The following COMMD10 variants were observed in gnomAD, a reference collection of about 807,000 sequenced individuals.
The protein encoded by COMMD10 is COMM domain containing 10.
Under a neutral mutation model 28.9 loss-of-function variants are expected in COMMD10, and 33 were observed. The ratio of observed to expected loss-of-function variants is 1.14; its 90% confidence interval spans 0.87 to 1.53. The LOEUF (loss-of-function observed/expected upper bound fraction) is 1.53. Among genes scored for constraint, COMMD10 ranks in the 40% most tolerant of loss-of-function variants. The pLI, the probability that COMMD10 is intolerant of heterozygous loss-of-function variation, is 0.00. For missense variants in COMMD10, 310 were observed against 233.4 expected (o/e 1.33, Z -2.14); for synonymous variants, 110 against 81.7 (o/e 1.35, Z -1.87).
Position 116,292,956 on chromosome 5 carries a change from TATG to T in COMMD10, c.*472_*474del. 1 of 397,012 alleles carries T rather than the reference TATG, an allele frequency of 2.5e-6. No individual in the cohort carries two copies. The highest frequency in any genetic ancestry group is 4.4e-6 in the Non-Finnish European group (1 of 225,000). 24.6% of individuals were successfully genotyped at this position (397,012 alleles called of 1,614,324 possible). The stretch of plus-strand genomic sequence containing the variant: ...ATACACTATGGCATTTTTATTTGAA[TATG>T]ATGAGTATATTTTGCTTCGGAAATA... On this transcript the variant is annotated 3_prime_UTR_variant, in exon 7 of 7. Transcript: ENST00000274458.
At chr5:116,184,945 G>C (rs1014908237) in intron 5 of COMMD10, among the ~76,000 whole-genome samples, 2 of 151,978 alleles carry the variant, frequency 1.3e-5, no homozygotes, top group Admixed American at 1.3e-4. Context: ...TGACTCCTCT[G>C]GGCCTTAACT....
chr5:116,096,269 T>C (rs1750463490), intron 4 of COMMD10, among the ~76,000 whole-genome samples: 1 of 151,970 alleles, frequency 6.6e-6, no homozygotes, highest in Admixed American at 6.5e-5. Context: ...TATCAGTGTC[T>C]TTTGTTTTCA....
chr5:116,212,146 C>T (rs1295708677), intron 5 of COMMD10, among the ~76,000 whole-genome samples: 1 of 152,068 alleles, frequency 6.6e-6, no homozygotes, highest in Non-Finnish European at 1.5e-5. Flanking sequence ...TCTGTTCCTC[C>T]TTTCAAAAGT....
At chr5:116,201,877 T>C (rs577822661) in intron 5 of COMMD10, among the ~76,000 whole-genome samples, 8 of 152,098 alleles carry the variant, frequency 5.3e-5, no homozygotes, top group Non-Finnish European at 1.2e-4. Flanking sequence ...AAATTATCTT[T>C]CTTTTTATTT....
chr5:116,207,008 G>C (rs1487398472), intron 5 of COMMD10, among the ~76,000 whole-genome samples: 1 of 152,036 alleles, frequency 6.6e-6, no homozygotes, highest in Non-Finnish European at 1.5e-5. Flanking sequence ...TATTTTAATA[G>C]GCTTTTTTAT....
chr5:116,094,931 C>T (rs939343854), intron 4 of COMMD10, among the ~76,000 whole-genome samples: 2 of 152,120 alleles, frequency 1.3e-5, no homozygotes, highest in African/African-American at 4.8e-5. Context: ...ACAAATATAA[C>T]AGGCACTCAC....
intron 4 of COMMD10, among the ~76,000 whole-genome samples, chr5:116,096,385 TC>T (rs1346635787): frequency 6.6e-6 from 1 of 151,934 alleles, no homozygotes; most frequent in African/African-American, 2.4e-5. Context: ...AATTTTGTTT[TC>T]CAATGGCTTA....
intron 5 of COMMD10, among the ~76,000 whole-genome samples, chr5:116,275,496 A>G (rs1198294442): frequency 1.3e-5 from 2 of 151,686 alleles, no homozygotes; most frequent in South Asian, 2.1e-4. Flanking sequence ...GTCATTTTGT[A>G]ACCTCAGTTT....
intron 4 of COMMD10, among the ~76,000 whole-genome samples, chr5:116,108,749 A>G (rs1173110482): frequency 6.6e-6 from 1 of 151,692 alleles, no homozygotes; most frequent in African/African-American, 2.4e-5. Flanking sequence ...ACAAACAAAC[A>G]AACTCCTGCA....
At chr5:116,259,999 GCTT>G (rs1239698306) in intron 5 of COMMD10, among the ~76,000 whole-genome samples, 2 of 151,644 alleles carry the variant, frequency 1.3e-5, no homozygotes, top group Non-Finnish European at 2.9e-5. Context: ...TGTTTACAGA[GCTT>G]CTTCAAAATT....
chr5:116,112,622 T>C lies in COMMD10; in HGVS notation c.399+19922T>C, dbSNP rs113412566. ...ATGTTGACAGAATGTTCTCTATCTC[T>C]TCACCTCATTATCCGCCTGTGTTGG... On this transcript the variant is annotated intron_variant, in intron 4 of 6. Transcript: ENST00000274458. 7.9e-3 allele frequency among the ~76,000 whole-genome samples: 1,207 copies of C among 152,230 alleles called. 16 individuals carry two copies. The highest frequency in any genetic ancestry group is 0.027 in the African/African-American group (1,115 of 41,532).
At chr5:116,248,563 G>T (rs550668406) in intron 5 of COMMD10, among the ~76,000 whole-genome samples, 3 of 151,872 alleles carry the variant, frequency 2.0e-5, no homozygotes, top group African/African-American at 4.8e-5. Flanking sequence ...GTTGTAATTT[G>T]GTTTTGTTTT....
intron 5 of COMMD10, among the ~76,000 whole-genome samples, chr5:116,256,649 G>T (rs1054964317): frequency 1.3e-5 from 2 of 151,724 alleles, no homozygotes; most frequent in Admixed American, 6.6e-5. Flanking sequence ...TTCATATTTT[G>T]TAATGTTTTC....
chr5:116,094,146 CA>C (rs35381611), intron 4 of COMMD10, among the ~76,000 whole-genome samples: 1 of 151,974 alleles, frequency 6.6e-6, no homozygotes, highest in Non-Finnish European at 1.5e-5. Flanking sequence ...AAAACATGGA[CA>C]AAAAACCCCA....
chr5:116,197,450 T>C (rs149484481), intron 5 of COMMD10, among the ~76,000 whole-genome samples: 3,228 of 152,210 alleles, frequency 0.021, 116 homozygotes, highest in African/African-American at 0.072. Context: ...GGTGTGATCT[T>C]GGCTCACTGC....
At chr5:116,192,793 C>A (rs1748404103) in intron 5 of COMMD10, among the ~76,000 whole-genome samples, 1 of 152,106 alleles carries the variant, frequency 6.6e-6, no homozygotes, top group Admixed American at 6.6e-5. Context: ...ACCTAGACAT[C>A]CAAATACAAG....
chr5:116,240,719 C>A (rs1264316516), intron 5 of COMMD10, among the ~76,000 whole-genome samples: 1 of 152,120 alleles, frequency 6.6e-6, no homozygotes, highest in Non-Finnish European at 1.5e-5. Flanking sequence ...CATGAAACTC[C>A]AGTAAATCTG....
rs540588520 is a variant in COMMD10, at chr5:116,154,473, A to C, written c.510+20295A>C. ...TTGTGTTAGTTGACAAAGGGCAAAC[A>C]TGACCTGTTTTCTGAGAGTGCTGTT... On this transcript the variant is annotated intron_variant, in intron 5 of 6. Transcript: ENST00000274458. 4.6e-5 allele frequency among the ~76,000 whole-genome samples: 7 copies of C among 152,274 alleles called. No homozygotes were observed. The East Asian group carries it at 1.2e-3, about 25-fold the overall frequency.
Position 116,255,208 on chromosome 5 carries a change from G to C in COMMD10, c.511-36309G>C, listed in dbSNP as rs562921697. Among the ~76,000 whole-genome samples, 129 of 151,708 alleles carry C rather than the reference G, an allele frequency of 8.5e-4. 2 individuals are homozygous for C. The highest frequency in any genetic ancestry group is 3.0e-3 in the African/African-American group (123 of 41,140). ...TATGTGTGTCTCTGCCCGTGAGATG[G>C]GTTTCCTGAACACAGCACACTGATG... is the stretch of plus-strand genomic sequence containing the variant. On this transcript the variant is annotated intron_variant, in intron 5 of 6. Coordinates refer to ENST00000274458, the MANE Select transcript of COMMD10 (RefSeq NM_016144.4).
Sources: gnomAD v4.1 joint callset for allele counts (sites outside exome capture counted in the v4.1 genomes callset) on GRCh38, gnomAD v4.1.1 for gene constraint, MANE v1.5 for transcripts, NCBI Gene and HGNC (gene_info 2026-07-23, HGNC 2026-07-21) for gene names.